TBL1XR1: variants seen among roughly 807,000 people sequenced by gnomAD.
TBL1XR1 encodes F-box-like/WD repeat-containing protein TBL1XR1.
In TBL1XR1, 5 loss-of-function variants were observed where a neutral mutation model predicts 66.9. The observed-to-expected ratio is 0.07, with a 90% CI of 0.04 to 0.16. The LOEUF is 0.16. TBL1XR1 is among the 10% of genes least tolerant of loss of function. The pLI is 1.00. For synonymous variants in TBL1XR1, 210 were observed against 206.0 expected (o/e 1.02, Z -0.17); for missense variants, 238 against 623.2 (o/e 0.38, Z 6.58).
chr3:177,040,221 A>C (rs1715394925), intron 10 of TBL1XR1, among the ~76,000 whole-genome samples: 1 of 152,182 alleles, frequency 6.6e-6, no homozygotes, highest in Non-Finnish European at 1.5e-5. Context: ...AGGCTGAGGC[A>C]GGAGGACTGC....
At chr3:177,107,117 T>A (rs1724983108) in intron 1 of TBL1XR1, among the ~76,000 whole-genome samples, 1 of 151,984 alleles carries the variant, frequency 6.6e-6, no homozygotes, top group African/African-American at 2.4e-5. Context: ...AAAAAAAAAA[T>A]TAAGAATATG....
chr3:177,027,374 A>C (rs1236294658), intron 14 of TBL1XR1: 1 of 152,248 alleles, frequency 6.6e-6, no homozygotes, highest in Non-Finnish European at 1.5e-5. Context: ...TAATGTAATC[A>C]TTCATTAAGC....
intron 1 of TBL1XR1, among the ~76,000 whole-genome samples, chr3:177,183,075 C>T (rs748336628): frequency 1.3e-5 from 2 of 152,104 alleles, no homozygotes; most frequent in African/African-American, 2.4e-5. Flanking sequence ...CTTCAGAATC[C>T]TCATACAGCT....
At chr3:177,183,811 C>T (rs1735100905) in intron 1 of TBL1XR1, among the ~76,000 whole-genome samples, 1 of 150,828 alleles carries the variant, frequency 6.6e-6, no homozygotes, top group Admixed American at 6.6e-5. Context: ...TTTCTTGAAA[C>T]ATCTAATCGG....
intron 1 of TBL1XR1, among the ~76,000 whole-genome samples, chr3:177,149,066 A>G (rs993197106): frequency 6.6e-6 from 1 of 152,170 alleles, no homozygotes; most frequent in Admixed American, 6.5e-5. Flanking sequence ...TTTAGAAGTA[A>G]GCAATGAGCA....
At chr3:177,106,769 G>T (rs540867955) in intron 1 of TBL1XR1, among the ~76,000 whole-genome samples, 1 of 152,172 alleles carries the variant, frequency 6.6e-6, no homozygotes, top group African/African-American at 2.4e-5. Flanking sequence ...GCTTGGCCTG[G>T]ATTTCAGTGC....
intron 1 of TBL1XR1, among the ~76,000 whole-genome samples, chr3:177,121,583 A>T (rs1180034853): frequency 1.3e-5 from 2 of 152,214 alleles, no homozygotes; most frequent in Admixed American, 6.5e-5. Flanking sequence ...ACATGCATTA[A>T]CGTTCTCTTT....
chr3:177,039,089 T>C (rs1449721004), intron 10 of TBL1XR1, among the ~76,000 whole-genome samples: 5 of 152,200 alleles, frequency 3.3e-5, no homozygotes, highest in Non-Finnish European at 7.4e-5. Flanking sequence ...TACTGTATAA[T>C]GATGCCATCT....
chr3:177,147,990 G>A (rs767699960), intron 1 of TBL1XR1, among the ~76,000 whole-genome samples: 8 of 152,206 alleles, frequency 5.3e-5, no homozygotes, highest in Non-Finnish European at 1.2e-4. Context: ...GTAACACCCA[G>A]AATCTTTCCA....
intron 10 of TBL1XR1, among the ~76,000 whole-genome samples, chr3:177,044,436 A>G (rs899786258): frequency 1.3e-5 from 2 of 152,194 alleles, no homozygotes; most frequent in African/African-American, 4.8e-5. Context: ...AAAATTATGC[A>G]GAATGAAGAC....
At chr3:177,187,803 A>T (rs1735612364) in intron 1 of TBL1XR1, among the ~76,000 whole-genome samples, 1 of 152,068 alleles carries the variant, frequency 6.6e-6, no homozygotes, top group African/African-American at 2.4e-5. Flanking sequence ...CCGATCTCAG[A>T]CAAAATACCG....
At position 177,095,781 on chromosome 3, in the gene TBL1XR1, C is replaced by A. The variant is rs143349579; in HGVS notation, c.-46+2685G>T. Reference sequence around the variant, plus strand: ...TATAGGCATGAGGCACTGCACCCTGCCGTAAAGTGCAATTAGATTTAAAAT... The same window carrying A: ...TATAGGCATGAGGCACTGCACCCTGACGTAAAGTGCAATTAGATTTAAAAT... On this transcript the variant is annotated intron_variant, in intron 2 of 15. Coordinates refer to ENST00000457928, the MANE Select transcript of TBL1XR1 (RefSeq NM_024665.7). Among the ~76,000 whole-genome samples, 184 of 152,148 alleles carry A rather than the reference C, an allele frequency of 1.2e-3. 2 individuals carry two copies. In the Middle Eastern group the frequency reaches 0.024, roughly 20 times the overall value.
intron 3 of TBL1XR1, among the ~76,000 whole-genome samples, chr3:177,058,928 A>C (rs905115348): frequency 6.6e-6 from 1 of 152,252 alleles, no homozygotes; most frequent in Non-Finnish European, 1.5e-5. Context: ...TATTTGGGAA[A>C]AAAAAAGAAT....
intron 10 of TBL1XR1, 147 bp from the exon 11 acceptor site, chr3:177,038,581 TTAAAA>T (rs1184802503): frequency 3.0e-5 from 23 of 776,590 alleles, no homozygotes; most frequent in East Asian, 1.8e-4. Context: ...TAAGAAAAAA[TTAAAA>T]TAAAAGTATC....
chr3:177,091,815 G>C (rs1722875444), intron 2 of TBL1XR1, among the ~76,000 whole-genome samples: 1 of 152,158 alleles, frequency 6.6e-6, no homozygotes, highest in Admixed American at 6.5e-5. Context: ...CATTTCATAT[G>C]CCTTTCCTGT....
intron 2 of TBL1XR1, among the ~76,000 whole-genome samples, chr3:177,075,549 T>A (rs13321989): frequency 6.6e-6 from 1 of 152,154 alleles, no homozygotes; most frequent in Admixed American, 6.5e-5. Flanking sequence ...CAGATTTCCA[T>A]CTTAGAAAGA....
At chr3:177,190,283 T>C (rs1257996724) in intron 1 of TBL1XR1, among the ~76,000 whole-genome samples, 4 of 152,112 alleles carry the variant, frequency 2.6e-5, no homozygotes, top group African/African-American at 9.7e-5. Flanking sequence ...CTGTGGCTAC[T>C]ATTCCAGAAT....
At chr3:177,177,559 A>G (rs1159712056) in intron 1 of TBL1XR1, among the ~76,000 whole-genome samples, 2 of 152,154 alleles carry the variant, frequency 1.3e-5, no homozygotes, top group East Asian at 1.9e-4. Context: ...CGTTTTTTCT[A>G]TTATTTGACT....
At chr3:177,159,719 C>T (rs558591612) in intron 1 of TBL1XR1, among the ~76,000 whole-genome samples, 1 of 152,172 alleles carries the variant, frequency 6.6e-6, no homozygotes, top group Admixed American at 6.5e-5. Context: ...CCAGCTCCTA[C>T]GAAAGTCCTA....
Sources: allele counts gnomAD v4.1 joint callset (sites outside exome capture counted in the v4.1 genomes callset), GRCh38; gene constraint gnomAD v4.1.1; transcripts MANE v1.5; gene names NCBI Gene and HGNC (gene_info 2026-07-23, HGNC 2026-07-21).